EZH2: variants seen among roughly 807,000 people sequenced by gnomAD.
EZH2 encodes the protein enhancer of zeste 2 polycomb repressive complex 2 subunit.
EZH2 carries 18 observed loss-of-function variants against 98.4 expected under a neutral mutation model. That is an observed-to-expected ratio of 0.18 (90% CI 0.13 to 0.27). The LOEUF is 0.27. Among genes scored for constraint, EZH2 ranks in the 10% least tolerant of loss-of-function variants. The probability of loss-of-function intolerance (pLI) is 1.00; values close to 1 mark genes in which losing one functional copy is unlikely to be tolerated. For missense variants in EZH2, 470 were observed against 935.1 expected (o/e 0.50, Z 6.49); for synonymous variants, 338 against 312.3 (o/e 1.08, Z -0.87).
At chr7:148,833,549 TC>T (rs1428354889) in intron 3 of EZH2, among the ~76,000 whole-genome samples, 3 of 152,178 alleles carry the variant, frequency 2.0e-5, no homozygotes, top group Non-Finnish European at 2.9e-5. Context: ...AATCTAAGTG[TC>T]AATTGCTGAT....
intron 4 of EZH2, 72 bp from the exon 5 acceptor site, chr7:148,829,920 CT>C (rs1808862275): frequency 7.6e-6 from 9 of 1,188,972 alleles, no homozygotes; most frequent in Non-Finnish European, 1.0e-5. Flanking sequence ...AAAATACAAC[CT>C]TTTTTTCATG....
chr7:148,814,803 T>C (rs1804116649), intron 14 of EZH2, 111 bp downstream of exon 14: 2 of 1,313,826 alleles, frequency 1.5e-6, no homozygotes, highest in Non-Finnish European at 2.0e-6. Flanking sequence ...TTGATGAGTT[T>C]CGTCAAGTAA....
chr7:148,869,152 C>T (rs1488278745), intron 1 of EZH2, among the ~76,000 whole-genome samples: 1 of 145,348 alleles, frequency 6.9e-6, no homozygotes. Context: ...ATGAATTGAC[C>T]AACTTGATAA....
chr7:148,855,362 A>C (rs1482079807), intron 1 of EZH2, among the ~76,000 whole-genome samples: 1 of 152,184 alleles, frequency 6.6e-6, no homozygotes, highest in African/African-American at 2.4e-5. Context: ...TCCTATACAC[A>C]GCATTAAACA....
chr7:148,863,069 G>A (rs1817929364), intron 1 of EZH2, among the ~76,000 whole-genome samples: 1 of 132,118 alleles, frequency 7.6e-6, no homozygotes, highest in Non-Finnish European at 1.6e-5. Context: ...GGATGACAGA[G>A]TGAGACCCTG....
intron 3 of EZH2, among the ~76,000 whole-genome samples, chr7:148,834,454 T>C (rs1178248356): frequency 6.6e-6 from 1 of 151,844 alleles, no homozygotes; most frequent in Non-Finnish European, 1.5e-5. Context: ...AAATTCAGAG[T>C]AGAAATCTGG....
chr7:148,877,940 T>C (rs1820408934), intron 1 of EZH2, among the ~76,000 whole-genome samples: 1 of 152,190 alleles, frequency 6.6e-6, no homozygotes, highest in Non-Finnish European at 1.5e-5. Flanking sequence ...GAACTAAGTT[T>C]GGATCCCGAA....
chr7:148,876,805 T>A (rs1382751101), intron 1 of EZH2, among the ~76,000 whole-genome samples: 1 of 152,204 alleles, frequency 6.6e-6, no homozygotes. Context: ...CTCCCTTATA[T>A]GTTCTTCAGG....
At chr7:148,809,244 A>C in intron 18 of EZH2, 66 bp downstream of exon 18, 2 of 1,584,182 alleles carry the variant, frequency 1.3e-6, no homozygotes, top group Non-Finnish European at 1.7e-6. Flanking sequence ...ACTATCCCAG[A>C]AGTATTCAAG....
intron 1 of EZH2, among the ~76,000 whole-genome samples, chr7:148,866,631 T>C (rs1049854488): frequency 2.0e-5 from 3 of 146,890 alleles, no homozygotes; most frequent in Middle Eastern, 3.6e-3. Context: ...CATATATGTA[T>C]ATATACATAT....
At chr7:148,870,790 G>A (rs1819252566) in intron 1 of EZH2, among the ~76,000 whole-genome samples, 2 of 152,152 alleles carry the variant, frequency 1.3e-5, no homozygotes, top group South Asian at 4.2e-4. Context: ...TTAGCCAGGT[G>A]TGGTGGTGCA....
intron 3 of EZH2, among the ~76,000 whole-genome samples, chr7:148,840,375 A>C (rs1812111688): frequency 6.6e-6 from 1 of 152,166 alleles, no homozygotes; most frequent in Non-Finnish European, 1.5e-5. Context: ...AGAGGTTGTA[A>C]AGTGATGGCC....
chr7:148,873,252 A>C (rs2373416), intron 1 of EZH2, among the ~76,000 whole-genome samples: 2 of 151,674 alleles, frequency 1.3e-5, no homozygotes, highest in African/African-American at 4.8e-5. Context: ...AGCACTTTGC[A>C]AGGCCAAGGC....
chr7:148,851,800 G>T (rs528278067), intron 1 of EZH2, among the ~76,000 whole-genome samples: 1 of 152,312 alleles, frequency 6.6e-6, no homozygotes, highest in South Asian at 2.1e-4. Context: ...GAGCCTGTGA[G>T]GTGGAGACTG....
At chr7:148,867,218 C>T (rs1405620978) in intron 1 of EZH2, among the ~76,000 whole-genome samples, 2 of 151,682 alleles carry the variant, frequency 1.3e-5, no homozygotes, top group Admixed American at 6.6e-5. Context: ...CCCAGCTACT[C>T]GGGAGGCTGA....
intron 1 of EZH2, among the ~76,000 whole-genome samples, chr7:148,860,328 A>G (rs1817477809): frequency 2.8e-5 from 2 of 72,506 alleles, no homozygotes; most frequent in South Asian, 7.6e-4. Flanking sequence ...CAGTGGGCAT[A>G]GAAGAAAAAA....
intron 1 of EZH2, among the ~76,000 whole-genome samples, chr7:148,881,997 CACAT>C (rs1017531107): frequency 3.6e-5 from 5 of 138,054 alleles, no homozygotes; most frequent in East Asian, 2.1e-4. Flanking sequence ...CACACACACA[CACAT>C]ATGTATCCTA....
chr7:148,839,432 T>A (rs1008672857), intron 3 of EZH2, among the ~76,000 whole-genome samples: 1 of 149,996 alleles, frequency 6.7e-6, no homozygotes, highest in Non-Finnish European at 1.5e-5. Context: ...TAATTTATAA[T>A]CTTGAAGTGA....
chr7:148,851,937 G>A (rs970571520), intron 1 of EZH2, among the ~76,000 whole-genome samples: 3 of 152,272 alleles, frequency 2.0e-5, no homozygotes, highest in South Asian at 2.1e-4. Context: ...TTATTTAAAC[G>A]ACTTCTACTG....
Sources: allele counts gnomAD v4.1 joint callset (sites outside exome capture counted in the v4.1 genomes callset), GRCh38; gene constraint gnomAD v4.1.1; transcripts MANE v1.5; gene names NCBI Gene and HGNC (gene_info 2026-07-23, HGNC 2026-07-21).